PRKN: variants seen among roughly 807,000 people sequenced by gnomAD.
The protein encoded by PRKN is parkin RBR E3 ubiquitin protein ligase.
A neutral mutation model predicts 59.5 loss-of-function variants in PRKN; 56 were observed. That is an observed-to-expected ratio of 0.94 (90% CI 0.76 to 1.18). The LOEUF (loss-of-function observed/expected upper bound fraction) is 1.18, where lower values mean the gene tolerates loss of function less well. Ranked by LOEUF, PRKN falls within the 50% of genes most tolerant of loss-of-function variation. The pLI, the probability that PRKN is intolerant of heterozygous loss-of-function variation, is 0.00. For synonymous variants in PRKN, 250 were observed against 222.1 expected, an observed-to-expected ratio of 1.13 and a Z score of -1.12; for missense variants, 657 against 596.4, an observed-to-expected ratio of 1.10 and a Z score of -1.06.
At chr6:161,783,881 A>G (rs1790310566) in intron 7 of PRKN, among the ~76,000 whole-genome samples, 1 of 152,214 alleles carries the variant, frequency 6.6e-6, no homozygotes, top group African/African-American at 2.4e-5. Flanking sequence ...ATATGCTTAA[A>G]AGTGAGTATC....
chr6:161,870,611 T>C (rs1252831110), intron 6 of PRKN, among the ~76,000 whole-genome samples: 2 of 152,238 alleles, frequency 1.3e-5, no homozygotes, highest in Non-Finnish European at 2.9e-5. Context: ...ATCAGAAGGC[T>C]ATCAATATTT....
intron 4 of PRKN, among the ~76,000 whole-genome samples, chr6:162,070,831 G>T (rs776447175): frequency 2.6e-5 from 4 of 152,048 alleles, no homozygotes; most frequent in Non-Finnish European, 5.9e-5. Context: ...ATGCTCGCTC[G>T]CCTACTGCTT....
chr6:161,763,811 G>A (rs1789309446), intron 7 of PRKN, among the ~76,000 whole-genome samples: 1 of 152,050 alleles, frequency 6.6e-6, no homozygotes, highest in Admixed American at 6.5e-5. Flanking sequence ...TACCCGTCCT[G>A]AGCTGAATCG....
rs774530019 is a variant in PRKN at position 162,377,101 on chromosome 6, G to C, written c.171+66209C>G. Among the ~76,000 whole-genome samples, 59 of 152,150 alleles carry C rather than the reference G, an allele frequency of 3.9e-4. 1 individual carries two copies. Among genetic ancestry groups the C allele is most frequent in the South Asian group, 6.2e-4 (3 of 4,832 alleles). On this transcript the variant is annotated intron_variant, in intron 2 of 11. Coordinates refer to ENST00000366898, the MANE Select transcript of PRKN (RefSeq NM_004562.3). ...GTTGCACTTCCATCCTAAGAGGATGGTGGAGGGTGATGCTTTTTGTTTCTT... is the reference window on the plus strand; with the variant it reads ...GTTGCACTTCCATCCTAAGAGGATGCTGGAGGGTGATGCTTTTTGTTTCTT...
rs189614772 is a variant in PRKN at position 161,470,895 on chromosome 6, A to G, written c.1083+77959T>C. Among the ~76,000 whole-genome samples, 14 of 152,282 alleles carry G rather than the reference A, an allele frequency of 9.2e-5. No individual in the cohort carries two copies. Among genetic ancestry groups the G allele is most frequent in the African/African-American group, 3.1e-4 (13 of 41,562 alleles). On this transcript the variant is annotated intron_variant, in intron 9 of 11. Coordinates refer to ENST00000366898, the MANE Select transcript of PRKN (RefSeq NM_004562.3). The surrounding 1 kb of genome is among the most constrained non-coding windows in gnomAD (Gnocchi z 5.1). ...AACCTTCTAGGCAGGGCAGAGCTAG[A>G]CAAGAGAAGGGGTCTGGGCTGACTC...
chr6:162,371,198 G>A (rs1467996872), intron 2 of PRKN, among the ~76,000 whole-genome samples: 1 of 152,180 alleles, frequency 6.6e-6, no homozygotes, highest in Non-Finnish European at 1.5e-5. Context: ...GAGAAGAAGG[G>A]ACACTGCTAA....
intron 2 of PRKN, among the ~76,000 whole-genome samples, chr6:162,393,177 T>TTTTTA (rs869117723): frequency 7.0e-6 from 1 of 142,810 alleles, no homozygotes; most frequent in African/African-American, 2.8e-5. Flanking sequence ...TTTTTTTTTT[T>TTTTTA]GAGACAGAGT....
chr6:161,620,724 T>C (rs968741880), intron 7 of PRKN, among the ~76,000 whole-genome samples: 2 of 152,192 alleles, frequency 1.3e-5, no homozygotes, highest in African/African-American at 4.8e-5. Context: ...ATCCAATGCG[T>C]GAATATTTGA....
At chr6:161,573,082 G>A (rs1342361363) in intron 7 of PRKN, among the ~76,000 whole-genome samples, 1 of 152,150 alleles carries the variant, frequency 6.6e-6, no homozygotes. Flanking sequence ...CCCTGCCAGT[G>A]ACGTCCCATG....
chr6:161,579,728 TG>T lies in PRKN; in HGVS notation c.872-10313del, dbSNP rs112452678. On this transcript the variant is annotated intron_variant, in intron 7 of 11. Coordinates refer to ENST00000366898, the MANE Select transcript of PRKN (RefSeq NM_004562.3). The surrounding 1 kb of genome is among the most constrained non-coding windows in gnomAD (Gnocchi z 4.2). ...TTAAAAATGAGGTAAAGAGAGGGGC[TG>T]GGGGTAAAGTGGAATGGGGCAGGGG... 0.027 allele frequency among the ~76,000 whole-genome samples: 4,073 copies of T among 151,696 alleles called. 150 individuals carry two copies. The highest frequency in any genetic ancestry group is 0.085 in the African/African-American group (3,509 of 41,356).
intron 6 of PRKN, among the ~76,000 whole-genome samples, chr6:161,821,087 T>C (rs1792003859): frequency 6.6e-6 from 1 of 152,110 alleles, no homozygotes; most frequent in Admixed American, 6.5e-5. Flanking sequence ...ACTATGTGTA[T>C]TATATGTTTT....
In PRKN at chr6:162,671,595, T is replaced by C. The variant is rs547530483; in HGVS notation, c.7+56067A>G. On this transcript the variant is annotated intron_variant, in intron 1 of 11. Coordinates refer to ENST00000366898, the MANE Select transcript of PRKN (RefSeq NM_004562.3). Reference sequence around the variant, plus strand: ...CTCCTTAAGAGAAAAAGCAAGTACTTTGAAACATTTGTGCAGTAATCAAAA... The same window carrying C: ...CTCCTTAAGAGAAAAAGCAAGTACTCTGAAACATTTGTGCAGTAATCAAAA... Among the ~76,000 whole-genome samples the C allele has an allele frequency of 5.3e-5, 8 of 151,978 alleles. No individual in the cohort carries two copies. In the East Asian group the frequency reaches 9.7e-4, roughly 18 times the overall value.
chr6:161,430,110 T>C (rs1178296935), intron 9 of PRKN, among the ~76,000 whole-genome samples: 1 of 152,190 alleles, frequency 6.6e-6, no homozygotes, highest in African/African-American at 2.4e-5. Context: ...ATCTGAGTCT[T>C]TTATAATGGG....
At chr6:161,784,887 A>C (rs570775916) in intron 7 of PRKN, among the ~76,000 whole-genome samples, 28 of 152,354 alleles carry the variant, frequency 1.8e-4, no homozygotes, top group African/African-American at 6.3e-4. Flanking sequence ...ATGGACACAC[A>C]AATTGTGGGG....
rs766550397 is a variant in PRKN, at chr6:161,530,761, G to A, written c.1083+18093C>T. On this transcript the variant is annotated intron_variant, in intron 9 of 11. Coordinates refer to ENST00000366898, the MANE Select transcript of PRKN (RefSeq NM_004562.3). This position sits in a 1 kb window ranked among gnomAD's most constrained non-coding sequence, Gnocchi z 5.0. The stretch of plus-strand genomic sequence containing the variant: ...TCGAACTCCTGACCTCAGGTGATCC[G>A]CCCGTATTGGCCTCCCAAAGTGCTG... 2.0e-5 allele frequency among the ~76,000 whole-genome samples: 3 copies of A among 151,610 alleles called. No individual in the cohort carries two copies. Among genetic ancestry groups the A allele is most frequent in the Non-Finnish European group, 2.9e-5 (2 of 67,956 alleles).
intron 9 of PRKN, among the ~76,000 whole-genome samples, chr6:161,531,110 G>C (rs897119584): frequency 6.6e-6 from 1 of 152,070 alleles, no homozygotes; most frequent in Non-Finnish European, 1.5e-5. Context: ...GGCCGGGCGC[G>C]GTGGCTCACG....
chr6:161,563,809 G>C (rs377349202), intron 8 of PRKN, among the ~76,000 whole-genome samples: 1 of 152,152 alleles, frequency 6.6e-6, no homozygotes, highest in East Asian at 1.9e-4. Context: ...CAGCATTTTT[G>C]TAGGTTTTAT....
chr6:162,062,566 A>G (rs1230554197), intron 4 of PRKN, among the ~76,000 whole-genome samples: 1 of 152,176 alleles, frequency 6.6e-6, no homozygotes, highest in Admixed American at 6.5e-5. Context: ...ATCCAATATG[A>G]CTGATGTCCT....
intron 2 of PRKN, among the ~76,000 whole-genome samples, chr6:162,419,306 A>C (rs1471712090): frequency 1.3e-5 from 2 of 152,066 alleles, no homozygotes; most frequent in African/African-American, 4.8e-5. Context: ...TGAGAGATGA[A>C]AATAGTTTTG....
Sources: gnomAD v4.1 joint callset for allele counts (sites outside exome capture counted in the v4.1 genomes callset) on GRCh38, gnomAD v4.1.1 for gene constraint, Gnocchi (gnomAD v3.1) non-coding constraint, MANE v1.5 for transcripts, NCBI Gene and HGNC (gene_info 2026-07-23, HGNC 2026-07-21) for gene names.